Variants in DCC observed in about 807,000 individuals in gnomAD.
DCC encodes DCC netrin 1 receptor, also known as netrin receptor DCC.
In DCC, 58 loss-of-function variants were observed where a neutral mutation model predicts 172.5. The observed-to-expected ratio is 0.34, with a 90% CI of 0.27 to 0.42. The LOEUF (loss-of-function observed/expected upper bound fraction) is 0.42. Ranked by LOEUF, DCC falls within the 10% of genes least tolerant of loss-of-function variation. The probability of loss-of-function intolerance (pLI) is 1.00; values close to 1 mark genes in which losing one functional copy is unlikely to be tolerated. For synonymous variants in DCC, 709 were observed against 644.5 expected (o/e 1.10, Z -1.52); for missense variants, 1,740 against 1,791.0 (o/e 0.97, Z 0.51).
chr18:53,162,830 C>T (rs1185311692), intron 8 of DCC, among the ~76,000 whole-genome samples: 1 of 152,186 alleles, frequency 6.6e-6, no homozygotes, highest in Admixed American at 6.5e-5. Context: ...TTTCCCTAAT[C>T]CCCTTTCTCC....
chr18:52,545,650 A>G lies in DCC; in HGVS notation c.91+204772A>G, dbSNP rs531138586. On this transcript the variant is annotated intron_variant, in intron 1 of 28. Coordinates refer to ENST00000442544, the MANE Select transcript of DCC (RefSeq NM_005215.4). Reference sequence around the variant, plus strand: ...TACTGAGGTCCCAGGAGATTATCATAGGTTATTGTAATAAGGGTCATCTTT... The same window carrying G: ...TACTGAGGTCCCAGGAGATTATCATGGGTTATTGTAATAAGGGTCATCTTT... Among the ~76,000 whole-genome samples the G allele has an allele frequency of 3.9e-5, 6 of 152,312 alleles. No homozygotes were observed. In the East Asian group the frequency reaches 1.2e-3, roughly 29 times the overall value.
intron 20 of DCC, among the ~76,000 whole-genome samples, chr18:53,414,445 T>C (rs1335145590): frequency 6.6e-6 from 1 of 152,192 alleles, no homozygotes; most frequent in African/African-American, 2.4e-5. Flanking sequence ...GTTTCATAAG[T>C]ATATCCTTAC....
chr18:52,543,854 T>G (rs1342143035), intron 1 of DCC, among the ~76,000 whole-genome samples: 2 of 152,220 alleles, frequency 1.3e-5, no homozygotes, highest in African/African-American at 4.8e-5. Context: ...TCTGTGTACC[T>G]GTGTCCTATC....
intron 2 of DCC, among the ~76,000 whole-genome samples, chr18:52,878,461 C>T (rs2039434273): frequency 6.6e-6 from 1 of 152,114 alleles, no homozygotes; most frequent in Non-Finnish European, 1.5e-5. Flanking sequence ...TCCAAATCAC[C>T]ACCTACATGC....
chr18:53,388,942 A>G (rs997186694), intron 16 of DCC, among the ~76,000 whole-genome samples: 3 of 151,924 alleles, frequency 2.0e-5, no homozygotes, highest in Non-Finnish European at 4.4e-5. Flanking sequence ...GCCCCACTAT[A>G]CCTGGTATTT....
intron 1 of DCC, 145 bp downstream of exon 1, chr18:52,341,023 A>T: frequency 1.6e-6 from 1 of 629,724 alleles, no homozygotes; most frequent in Admixed American, 2.2e-5. Flanking sequence ...ACCGATGATA[A>T]AAGATAGAAG....
chr18:53,417,007 G>A (rs1026935882), intron 21 of DCC, among the ~76,000 whole-genome samples: 1 of 152,176 alleles, frequency 6.6e-6, no homozygotes, highest in African/African-American at 2.4e-5. Context: ...TGTAGTCAGT[G>A]CTGTCAGTAT....
At chr18:52,607,357 C>T (rs978962736) in intron 1 of DCC, among the ~76,000 whole-genome samples, 1 of 152,092 alleles carries the variant, frequency 6.6e-6, no homozygotes, top group African/African-American at 2.4e-5. Context: ...TAGAAGATAT[C>T]CAGGTACAGT....
At chr18:53,486,700 T>A (rs2045903982) in intron 25 of DCC, 97 bp from the exon 26 acceptor site, 2 of 1,520,856 alleles carry the variant, frequency 1.3e-6, no homozygotes, top group Non-Finnish European at 1.8e-6. Flanking sequence ...GAAGAGTGTG[T>A]ATAGATTTGA....
chr18:53,427,047 G>A (rs994994775), intron 21 of DCC, among the ~76,000 whole-genome samples: 1 of 152,090 alleles, frequency 6.6e-6, no homozygotes, highest in Non-Finnish European at 1.5e-5. Flanking sequence ...GGATAAGCTT[G>A]TGAACCACGC....
intron 27 of DCC, among the ~76,000 whole-genome samples, chr18:53,499,724 T>A (rs954941863): frequency 4.6e-5 from 7 of 152,168 alleles, no homozygotes; most frequent in African/African-American, 1.7e-4. Context: ...TTTCATCCCT[T>A]TGGAAAGTTG....
chr18:53,204,936 T>A (rs548992497), intron 9 of DCC, among the ~76,000 whole-genome samples: 100 of 152,316 alleles, frequency 6.6e-4, no homozygotes, highest in Middle Eastern at 6.8e-3. Context: ...TCCCACTCTT[T>A]GCTGCCATTA....
intron 1 of DCC, among the ~76,000 whole-genome samples, chr18:52,371,691 A>G (rs1985129863): frequency 6.6e-6 from 1 of 152,198 alleles, no homozygotes; most frequent in Non-Finnish European, 1.5e-5. Context: ...TTGTCATGGA[A>G]TCATGAAAAA....
At chr18:52,959,641 G>A (rs1009102676) in intron 5 of DCC, among the ~76,000 whole-genome samples, 4 of 151,754 alleles carry the variant, frequency 2.6e-5, no homozygotes, top group Non-Finnish European at 5.9e-5. Flanking sequence ...ATAAAATTTT[G>A]TCTATAATTT....
chr18:52,764,932 G>GCAT lies in DCC; in HGVS notation c.412+12559_412+12561dup, dbSNP rs536846132. Among the ~76,000 whole-genome samples, 353 of 152,204 alleles carry GCAT rather than the reference G, an allele frequency of 2.3e-3. 2 individuals carry two copies. The highest frequency in any genetic ancestry group is 4.8e-3 in the South Asian group (23 of 4,828). ...TGTCAGACCCCATAGAGTCACATCA[G>GCAT]CATACCATAGAAGAATGAGAACTCT... On this transcript the variant is annotated intron_variant, in intron 2 of 28. Transcript: ENST00000442544.
chr18:53,316,725 G>A (rs909519032), intron 13 of DCC, among the ~76,000 whole-genome samples: 3 of 152,104 alleles, frequency 2.0e-5, no homozygotes, highest in African/African-American at 7.2e-5. Flanking sequence ...TAGCAATTGT[G>A]AATGGGAGTT....
chr18:53,066,353 G>GTATGTATATATATATA (rs1202896480), intron 7 of DCC, among the ~76,000 whole-genome samples, 187 bp downstream of exon 7: 23 of 94,580 alleles, frequency 2.4e-4, no homozygotes, highest in Admixed American at 3.8e-4. Flanking sequence ...GTACATGTGT[G>GTATGTATATATATATA]TATATATATA....
intron 1 of DCC, among the ~76,000 whole-genome samples, chr18:52,404,266 A>G (rs1294231760): frequency 6.6e-6 from 1 of 152,048 alleles, no homozygotes; most frequent in Non-Finnish European, 1.5e-5. Context: ...TTGAAAATGT[A>G]CAGACATCAT....
intron 7 of DCC, 53 bp downstream of exon 7, chr18:53,066,219 CTG>C: frequency 6.4e-7 from 1 of 1,574,538 alleles, no homozygotes; most frequent in South Asian, 1.1e-5. Flanking sequence ...TATTCATAGT[CTG>C]TTGGTAAAAT....
Sources: allele counts gnomAD v4.1 joint callset (sites outside exome capture counted in the v4.1 genomes callset), GRCh38; gene constraint gnomAD v4.1.1; transcripts MANE v1.5; gene names NCBI Gene and HGNC (gene_info 2026-07-23, HGNC 2026-07-21).